Variants in LMO7 observed in about 807,000 individuals in gnomAD.
LMO7 encodes LIM domain only protein 7.
In LMO7, 120 loss-of-function variants were observed where a neutral mutation model predicts 206.5. That is an observed-to-expected ratio of 0.58 (90% CI 0.50 to 0.68). LMO7 has a LOEUF of 0.68. LMO7 is among the 30% of genes least tolerant of loss of function. The pLI, the probability that LMO7 is intolerant of heterozygous loss-of-function variation, is 0.00. For missense variants in LMO7, 1,959 were observed against 1,957.9 expected, an observed-to-expected ratio of 1.00 and a Z score of -0.01; for synonymous variants, 706 against 681.5, an observed-to-expected ratio of 1.04 and a Z score of -0.56.
Position 75,732,117 on chromosome 13 carries a change from C to T in LMO7, c.210+5019C>T, listed in dbSNP as rs2045305555. On this transcript the variant is annotated intron_variant, in intron 3 of 30. Transcript: ENST00000377534. ...AATTATGTGTCTTAGAGTTGCTCTT[C>T]TCGAGGAGTATCTCTGTGGCGTCCT... Among the ~76,000 whole-genome samples, 3 of 152,154 alleles carry T rather than the reference C, an allele frequency of 2.0e-5. No homozygotes were observed. In the South Asian group the frequency reaches 6.2e-4, roughly 32 times the overall value.
intron 3 of LMO7, among the ~76,000 whole-genome samples, chr13:75,756,147 T>C (rs2047668195): frequency 6.6e-6 from 1 of 152,056 alleles, no homozygotes; most frequent in Non-Finnish European, 1.5e-5. Context: ...ATCTGTCGAG[T>C]CAAGCAATAG....
At chr13:75,737,701 C>T (rs1226399473) in intron 3 of LMO7, among the ~76,000 whole-genome samples, 1 of 120,410 alleles carries the variant, frequency 8.3e-6, no homozygotes, top group Non-Finnish European at 1.6e-5. Flanking sequence ...TGCAGTGAGC[C>T]GAGATCGCGC....
chr13:75,838,277 G>A (rs1236696024), intron 20 of LMO7, 81 bp downstream of exon 20: 1 of 1,514,242 alleles, frequency 6.6e-7, no homozygotes, highest in African/African-American at 1.4e-5. Context: ...TGTGGTGCTG[G>A]GCACTGAGCC....
intron 1 of LMO7, among the ~76,000 whole-genome samples, chr13:75,658,110 A>G (rs1457932751): frequency 6.6e-6 from 1 of 151,080 alleles, no homozygotes; most frequent in East Asian, 1.9e-4. Flanking sequence ...TGAATAATCT[A>G]TTCCTTCCGT....
chr13:75,665,151 T>A (rs559522008), intron 1 of LMO7, among the ~76,000 whole-genome samples: 4 of 152,296 alleles, frequency 2.6e-5, no homozygotes, highest in African/African-American at 7.2e-5. Context: ...ATTTGTTCTC[T>A]TGATGTTACC....
chr13:75,813,959 T>C (rs1021974873), intron 11 of LMO7, among the ~76,000 whole-genome samples: 11 of 152,206 alleles, frequency 7.2e-5, no homozygotes, highest in Non-Finnish European at 1.5e-4. Context: ...TGCCTCTTCT[T>C]AGTGAGTCTG....
chr13:75,845,453 A>G, intron 26 of LMO7, 74 bp downstream of exon 26: 1 of 875,064 alleles, frequency 1.1e-6, no homozygotes, highest in South Asian at 1.5e-5. Context: ...AAGTATTTTT[A>G]AGGTCAAGAT....
At chr13:75,828,550 G>C (rs562318615) in intron 15 of LMO7, among the ~76,000 whole-genome samples, 1 of 152,306 alleles carries the variant, frequency 6.6e-6, no homozygotes, top group Non-Finnish European at 1.5e-5. Context: ...TTTGAGGAAA[G>C]GTGGTATTAT....
chr13:75,707,762 T>C (rs1177926991), intron 1 of LMO7, among the ~76,000 whole-genome samples: 2 of 152,106 alleles, frequency 1.3e-5, no homozygotes, highest in Admixed American at 1.3e-4. Context: ...TAAAAAAATA[T>C]ATAAATACTG....
At position 75,767,174 on chromosome 13, in the gene LMO7, C is replaced by T. The variant is rs184959947; in HGVS notation, c.317+6136C>T. 1.2e-3 allele frequency among the ~76,000 whole-genome samples: 187 copies of T among 152,108 alleles called. 1 individual carries two copies. The highest frequency in any genetic ancestry group is 4.2e-3 in the South Asian group (20 of 4,814). The stretch of plus-strand genomic sequence containing the variant: ...TTCAAAGTTTTAATAAATCCTTGTG[C>T]GGATGTGCCAATAATAAATGTTAAG... On this transcript the variant is annotated intron_variant, in intron 4 of 30. Transcript: ENST00000377534.
chr13:75,697,245 C>T (rs9600530), intron 1 of LMO7, among the ~76,000 whole-genome samples: 11,780 of 152,106 alleles, frequency 0.077, 1,004 homozygotes, highest in African/African-American at 0.21. Context: ...TGTATTTGTA[C>T]GGGTGGTGTA....
intron 1 of LMO7, among the ~76,000 whole-genome samples, chr13:75,676,268 C>T (rs1285331174): frequency 6.6e-6 from 1 of 152,088 alleles, no homozygotes; most frequent in Non-Finnish European, 1.5e-5. Flanking sequence ...TGCCTCTCTC[C>T]GGATTCAGTA....
chr13:75,740,833 C>T (rs2046351516), intron 3 of LMO7, among the ~76,000 whole-genome samples: 1 of 152,128 alleles, frequency 6.6e-6, no homozygotes, highest in Non-Finnish European at 1.5e-5. Flanking sequence ...GAAGTCCCCT[C>T]CTGTAGCAAC....
intron 15 of LMO7, among the ~76,000 whole-genome samples, chr13:75,829,789 C>T (rs2058484762): frequency 6.6e-6 from 1 of 151,946 alleles, no homozygotes; most frequent in Admixed American, 6.6e-5. Context: ...GGACTCCAAA[C>T]CTCCTCATGT....
At chr13:75,740,992 T>C (rs1027513014) in intron 3 of LMO7, among the ~76,000 whole-genome samples, 3 of 152,248 alleles carry the variant, frequency 2.0e-5, no homozygotes, top group Admixed American at 2.0e-4. Flanking sequence ...TCATATCTGT[T>C]GCATCAGACC....
chr13:75,798,800 C>CT (rs1374696127), intron 6 of LMO7, among the ~76,000 whole-genome samples: 6 of 152,184 alleles, frequency 3.9e-5, no homozygotes, highest in African/African-American at 1.4e-4. Flanking sequence ...TTTTAATTGA[C>CT]TTGTCAGCGT....
chr13:75,743,263 A>C (rs912138749), intron 3 of LMO7, among the ~76,000 whole-genome samples: 4 of 152,260 alleles, frequency 2.6e-5, no homozygotes, highest in Middle Eastern at 3.4e-3. Context: ...TGTTGGTGGG[A>C]GTGTAAATTA....
chr13:75,707,068 G>A lies in LMO7; in HGVS notation c.70-6114G>A, dbSNP rs2042711943. Among the ~76,000 whole-genome samples, 4 of 151,818 alleles carry A rather than the reference G, an allele frequency of 2.6e-5. No individual in the cohort carries two copies. The South Asian group carries it at 8.3e-4, about 32-fold the overall frequency. On this transcript the variant is annotated intron_variant, in intron 1 of 30. Coordinates refer to ENST00000377534, the MANE Select transcript of LMO7 (RefSeq NM_001306080.2). ...CCTCTTCTATTCTTTGTTCCTTTAGGTATGGGAGATTTAGTAAATTGACCT... is the reference window on the plus strand; with the variant it reads ...CCTCTTCTATTCTTTGTTCCTTTAGATATGGGAGATTTAGTAAATTGACCT...
At chr13:75,806,077 G>C in intron 9 of LMO7, 1 of 1,098,080 alleles carries the variant, frequency 9.1e-7, no homozygotes, top group Non-Finnish European at 1.1e-6. Flanking sequence ...TTCAGACTCT[G>C]AGGATGAGGA....
Sources: allele counts gnomAD v4.1 joint callset (sites outside exome capture counted in the v4.1 genomes callset), GRCh38; gene constraint gnomAD v4.1.1; transcripts MANE v1.5; gene names NCBI Gene and HGNC (gene_info 2026-07-23, HGNC 2026-07-21).